The following CILK1 variants were observed in gnomAD, a reference collection of about 807,000 sequenced individuals.
CILK1 encodes ciliogenesis associated kinase 1.
In CILK1, 47 loss-of-function variants were observed where a neutral mutation model predicts 79.2. The observed-to-expected ratio is 0.59, with a 90% CI of 0.47 to 0.76. CILK1 has a LOEUF of 0.76. Among genes scored for constraint, CILK1 ranks in the 30% least tolerant of loss-of-function variants. CILK1 has a pLI of 0.00. For missense variants in CILK1, 660 were observed against 769.5 expected, an observed-to-expected ratio of 0.86 and a Z score of 1.68; for synonymous variants, 266 against 275.9, an observed-to-expected ratio of 0.96 and a Z score of 0.36.
intron 4 of CILK1, 85 bp downstream of exon 4, chr6:53,032,448 G>GAGAAAGAAAACACAAAAGC (rs1384587821): frequency 8.6e-6 from 7 of 816,862 alleles, no homozygotes; most frequent in African/African-American, 3.6e-5. Context: ...AAAAAAAGGA[G>GAGAAAGAAAACACAAAAGC]AGAAAGAAAA....
chr6:53,043,258 G>C (rs1447719410), intron 1 of CILK1, among the ~76,000 whole-genome samples: 1 of 152,030 alleles, frequency 6.6e-6, no homozygotes, highest in East Asian at 1.9e-4. Flanking sequence ...ACAGGCTGCA[G>C]TGAGCCGAGA....
chr6:53,018,201 T>G, intron 7 of CILK1, 129 bp downstream of exon 7: 1 of 886,312 alleles, frequency 1.1e-6, no homozygotes, highest in East Asian at 2.4e-5. Flanking sequence ...CAGTGGAGAA[T>G]GACTGAGGTC....
intron 4 of CILK1, among the ~76,000 whole-genome samples, chr6:53,031,497 A>G (rs970113515): frequency 6.6e-6 from 1 of 152,198 alleles, no homozygotes; most frequent in Admixed American, 6.5e-5. Context: ...GTCATTGTCA[A>G]TAAAGATGAT....
chr6:53,009,339 C>T (rs1764421752), intron 12 of CILK1, 100 bp downstream of exon 12: 4 of 1,128,914 alleles, frequency 3.5e-6, no homozygotes, highest in African/African-American at 3.1e-5. Context: ...TGACAAAGGC[C>T]CCTGTGCTTC....
At chr6:53,039,047 CCCATCTCT>C (rs1766535822) in intron 2 of CILK1, among the ~76,000 whole-genome samples, 1 of 152,198 alleles carries the variant, frequency 6.6e-6, no homozygotes. Context: ...TAACAAACTT[CCCATCTCT>C]CCAGCTCACT....
At chr6:53,009,599 A>C (rs1764439705) in intron 11 of CILK1, 32 bp from the exon 12 acceptor site, 1 of 1,558,324 alleles carries the variant, frequency 6.4e-7, no homozygotes. Context: ...TAAAATGCAA[A>C]ATACACAATG....
At chr6:53,030,244 A>G (rs1765846490) in intron 5 of CILK1, among the ~76,000 whole-genome samples, 1 of 152,200 alleles carries the variant, frequency 6.6e-6, no homozygotes, top group Admixed American at 6.5e-5. Flanking sequence ...TTCTCTGATT[A>G]GGTGATGTAA....
chr6:53,045,034 T>C (rs922572621), intron 1 of CILK1, among the ~76,000 whole-genome samples: 6 of 152,242 alleles, frequency 3.9e-5, no homozygotes, highest in African/African-American at 1.4e-4. Flanking sequence ...AATTTAAAAT[T>C]ATTATAGATT....
chr6:53,050,939 G>A (rs1427116559), intron 1 of CILK1, among the ~76,000 whole-genome samples: 1 of 152,202 alleles, frequency 6.6e-6, no homozygotes, highest in Non-Finnish European at 1.5e-5. Flanking sequence ...TCACTCAAGT[G>A]AAAAATTAAC....
intron 5 of CILK1, among the ~76,000 whole-genome samples, chr6:53,029,543 AAGT>A (rs1765791673): frequency 6.6e-6 from 1 of 152,180 alleles, no homozygotes; most frequent in Admixed American, 6.5e-5. Context: ...GCTACCTCAG[AAGT>A]AAAGGACAGG....
chr6:53,045,485 T>C (rs1767003568), intron 1 of CILK1, among the ~76,000 whole-genome samples: 1 of 152,212 alleles, frequency 6.6e-6, no homozygotes, highest in Non-Finnish European at 1.5e-5. Flanking sequence ...TTCAGTGCAG[T>C]ATTCATTATA....
chr6:53,032,687 AAATATT>A (rs1435712362), intron 3 of CILK1, 33 bp from the exon 4 acceptor site: 4 of 1,555,210 alleles, frequency 2.6e-6, no homozygotes, highest in Non-Finnish European at 3.5e-6. Context: ...AAAACAAAAC[AAATATT>A]AGAGAAAATC....
chr6:53,029,346 T>C (rs1481374692), intron 5 of CILK1, among the ~76,000 whole-genome samples: 1 of 152,190 alleles, frequency 6.6e-6, no homozygotes, highest in African/African-American at 2.4e-5. Context: ...AAGGCCCAAG[T>C]ACTAGTTCCA....
chr6:53,037,599 T>G (rs776314693), intron 3 of CILK1, among the ~76,000 whole-genome samples: 1 of 152,274 alleles, frequency 6.6e-6, no homozygotes, highest in Middle Eastern at 3.4e-3. Flanking sequence ...GAAACTGAAG[T>G]AAGTACTGCT....
chr6:53,040,183 G>A (rs1766608041), intron 2 of CILK1, among the ~76,000 whole-genome samples: 1 of 152,164 alleles, frequency 6.6e-6, no homozygotes, highest in East Asian at 1.9e-4. Context: ...GGTTCCCAGA[G>A]ACTCCCACCT....
intron 1 of CILK1, among the ~76,000 whole-genome samples, chr6:53,045,185 T>C (rs1206853777): frequency 6.6e-6 from 1 of 152,216 alleles, no homozygotes; most frequent in Non-Finnish European, 1.5e-5. Flanking sequence ...AACACTATCA[T>C]ATACCATGGT....
chr6:53,060,935 C>T (rs1156835523), intron 1 of CILK1: 3 of 152,210 alleles, frequency 2.0e-5, no homozygotes, highest in Non-Finnish European at 4.4e-5. Context: ...AGCGCCCATA[C>T]CTTAGAGAAA....
intron 4 of CILK1, 91 bp from the exon 5 acceptor site, chr6:53,031,235 A>T (rs1179628587): frequency 1.2e-6 from 1 of 830,732 alleles, no homozygotes; most frequent in Non-Finnish European, 2.1e-6. Context: ...CATACAGGGG[A>T]GCTACCTTAT....
Position 53,041,247 on chromosome 6 carries a change from C to T in CILK1, c.-11G>A, listed in dbSNP as rs1461065243. The T allele has an allele frequency of 3.1e-6, 5 of 1,599,246 alleles. No individual in the cohort carries two copies. In the East Asian group the frequency reaches 8.9e-5, roughly 29 times the overall value. ...TGTGTATCTATTCATGGTGTGCCTG[C>T]TCAGGCCGGACACTCATCTCACGGC... On this transcript the variant is annotated 5_prime_UTR_variant, in exon 2 of 14. Transcript: ENST00000676107.
Sources: gnomAD v4.1 joint callset for allele counts (sites outside exome capture counted in the v4.1 genomes callset) on GRCh38, gnomAD v4.1.1 for gene constraint, MANE v1.5 for transcripts, NCBI Gene and HGNC (gene_info 2026-07-23, HGNC 2026-07-21) for gene names.